The following C8A variants were observed in gnomAD, a reference collection of about 807,000 sequenced individuals.
C8A encodes complement component C8 alpha chain.
A neutral mutation model predicts 65.3 loss-of-function variants in C8A; 67 were observed. The ratio of observed to expected loss-of-function variants is 1.03; its 90% CI spans 0.84 to 1.26. C8A has a LOEUF of 1.26. Ranked by LOEUF, C8A falls within the 50% of genes most tolerant of loss-of-function variation. C8A has a pLI of 0.00. For missense variants in C8A, 781 were observed against 723.9 expected (o/e 1.08, Z -0.90); for synonymous variants, 290 against 259.4 (o/e 1.12, Z -1.13).
chr1:56,916,917 G>C (rs1371563698), intron 10 of C8A, among the ~76,000 whole-genome samples: 1 of 152,184 alleles, frequency 6.6e-6, no homozygotes, highest in Non-Finnish European at 1.5e-5. Context: ...GCCAGAATCT[G>C]AGGGGGTTTG....
rs180797712 is a variant in C8A, at chr1:56,883,578, C to T, written c.752C>T (p.Thr251Ile). ...KKDKSDSFGVTIGIGPAGSPL... is the reference protein window; with the variant it reads ...KKDKSDSFGVIIGIGPAGSPL... ...GACAAGTCTGACTCATTTGGAGTGA[C>T]CATCGGCATAGGCCCAGCCGGCAGC... Residue 251 changes from threonine (T) to isoleucine (I), a missense_variant, in exon 6 of 11, where the codon ACC becomes ATC. Thr to Ile is a moderately conservative substitution (Grantham distance 89, BLOSUM62 -1). Transcript: ENST00000361249. 1.2e-6 allele frequency: 2 copies of T among 1,613,900 alleles called. No homozygotes were observed. Among genetic ancestry groups the T allele is most frequent in the East Asian group, 4.5e-5 (2 of 44,868 alleles).
At chr1:56,900,197 G>T (rs1378840756) in intron 7 of C8A, among the ~76,000 whole-genome samples, 1 of 152,190 alleles carries the variant, frequency 6.6e-6, no homozygotes, top group Admixed American at 6.5e-5. Context: ...TACACACCAT[G>T]CATGATGAAT....
At chr1:56,879,674 T>C (rs1047016226) in intron 4 of C8A, among the ~76,000 whole-genome samples, 2 of 152,336 alleles carry the variant, frequency 1.3e-5, no homozygotes, top group Non-Finnish European at 2.9e-5. Flanking sequence ...TTTCTGCATT[T>C]GCAAAGTTGT....
rs769410758 is a variant in C8A at position 56,917,659 on chromosome 1, A to C, written c.1698A>C (p.Ala566=). 1 of 1,614,192 alleles carries C rather than the reference A, an allele frequency of 6.2e-7. No individual in the cohort carries two copies. ...QERRRECDNP[A]PQNGGASCPG... ...GGAGAAGAGAGTGTGACAATCCAGCACCTCAGAATGGAGGGGCCTCGTGTC... is the reference window on the plus strand; with the variant it reads ...GGAGAAGAGAGTGTGACAATCCAGCCCCTCAGAATGGAGGGGCCTCGTGTC... The change falls in exon 11 of 11, where the codon GCA becomes GCC. Residue 566 remains alanine (A), a synonymous_variant. Transcript: ENST00000361249.
chr1:56,873,086 G>T (rs1644162198), intron 2 of C8A, among the ~76,000 whole-genome samples: 1 of 152,106 alleles, frequency 6.6e-6, no homozygotes, highest in Admixed American at 6.5e-5. Flanking sequence ...CTGAAAGGCA[G>T]GACAGACCTA....
intron 2 of C8A, among the ~76,000 whole-genome samples, chr1:56,874,552 A>G (rs1052136067): frequency 2.0e-5 from 3 of 152,208 alleles, no homozygotes; most frequent in Non-Finnish European, 4.4e-5. Context: ...GAGATGGAGA[A>G]CTACGTGGAT....
chr1:56,913,279 G>A (rs1262165010), intron 10 of C8A, among the ~76,000 whole-genome samples: 2 of 152,146 alleles, frequency 1.3e-5, no homozygotes, highest in African/African-American at 4.8e-5. Flanking sequence ...ATGTTCACAG[G>A]TAACAAGGGT....
rs1448396469 is a variant in C8A, at chr1:56,883,593, C to A, written c.767C>A (p.Pro256Gln). The A allele has an allele frequency of 6.2e-7, 1 of 1,613,802 alleles. No homozygotes were observed. The highest frequency in any genetic ancestry group is 8.5e-7 in the Non-Finnish European group (1 of 1,179,946). The change falls in exon 6 of 11, where the codon CCA becomes CAA. Residue 256 changes from proline (P) to glutamine (Q), a missense_variant. Coordinates refer to ENST00000361249, the MANE Select transcript of C8A (RefSeq NM_000562.3). ...TTTGGAGTGACCATCGGCATAGGCC[C>A]AGCCGGCAGCCCTTTATTGGTGGGT... ...DSFGVTIGIG[P>Q]AGSPLLVGVG...
At chr1:56,872,911 A>G (rs1644160634) in intron 2 of C8A, among the ~76,000 whole-genome samples, 1 of 152,092 alleles carries the variant, frequency 6.6e-6, no homozygotes, top group Non-Finnish European at 1.5e-5. Context: ...AAAAAAAAGA[A>G]AGAAAGAAAA....
intron 7 of C8A, among the ~76,000 whole-genome samples, chr1:56,895,788 A>G (rs1644383369): frequency 6.6e-6 from 1 of 151,976 alleles, no homozygotes; most frequent in Non-Finnish European, 1.5e-5. Flanking sequence ...AAATTAAACA[A>G]ACAAACAAAA....
intron 7 of C8A, among the ~76,000 whole-genome samples, chr1:56,891,141 G>A (rs1460425942): frequency 1.3e-5 from 2 of 152,122 alleles, no homozygotes; most frequent in Admixed American, 6.6e-5. Flanking sequence ...GATGATCTGG[G>A]AATGTCTGTT....
At chr1:56,916,584 G>A (rs534671373) in intron 10 of C8A, among the ~76,000 whole-genome samples, 3 of 152,304 alleles carry the variant, frequency 2.0e-5, no homozygotes, top group Admixed American at 6.5e-5. Context: ...GATCTGAGGA[G>A]CCCTGGGGTC....
At chr1:56,877,667 C>A (rs943943988) in intron 4 of C8A, among the ~76,000 whole-genome samples, 3 of 152,142 alleles carry the variant, frequency 2.0e-5, no homozygotes, top group Non-Finnish European at 4.4e-5. Flanking sequence ...TGTCCTATAG[C>A]CTCTCGCTGA....
chr1:56,880,742 C>A (rs537620799), intron 4 of C8A, among the ~76,000 whole-genome samples: 2 of 152,248 alleles, frequency 1.3e-5, no homozygotes, highest in East Asian at 1.9e-4. Context: ...CAATAGCAAC[C>A]TTTATTCAGT....
rs141078242 is a variant in C8A, at chr1:56,887,514, G to A, written c.1096+1347G>A. Among the ~76,000 whole-genome samples, 4 of 152,250 alleles carry A rather than the reference G, an allele frequency of 2.6e-5. No homozygotes were observed. In the East Asian group the frequency reaches 7.7e-4, roughly 29 times the overall value. The stretch of plus-strand genomic sequence containing the variant: ...ACATAAATGTCTTCTTTTGAGAAAT[G>A]TCTGTTCATATCCTTTGCTCACTTT... On this transcript the variant is annotated intron_variant, in intron 7 of 10. Coordinates refer to ENST00000361249, the MANE Select transcript of C8A (RefSeq NM_000562.3).
rs146626459 is a variant in C8A at position 56,909,966 on chromosome 1, G to A, written c.1380+1853G>A. On this transcript the variant is annotated intron_variant, in intron 9 of 10. Coordinates refer to ENST00000361249, the MANE Select transcript of C8A (RefSeq NM_000562.3). ...ACTCATGTTGCCCCCTGAGAAGTTC[G>A]GACTCAATGCATTAAGCCACGGGCA... Among the ~76,000 whole-genome samples, 6 of 152,264 alleles carry A rather than the reference G, an allele frequency of 3.9e-5. No individual in the cohort carries two copies. In the East Asian group the frequency reaches 5.8e-4, roughly 15 times the overall value.
intron 1 of C8A, among the ~76,000 whole-genome samples, chr1:56,866,195 A>G (rs934340524): frequency 2.0e-5 from 3 of 152,246 alleles, no homozygotes; most frequent in African/African-American, 7.2e-5. Flanking sequence ...ATATATAGCA[A>G]CAGATTGGAT....
At chr1:56,868,735 A>T (rs143814370) in intron 2 of C8A, among the ~76,000 whole-genome samples, 1 of 152,168 alleles carries the variant, frequency 6.6e-6, no homozygotes, top group African/African-American at 2.4e-5. Flanking sequence ...CACTCGGCAT[A>T]CCACTCACTG....
intron 4 of C8A, among the ~76,000 whole-genome samples, chr1:56,878,717 A>G (rs527838868): frequency 8.5e-5 from 13 of 152,170 alleles, no homozygotes; most frequent in African/African-American, 3.1e-4. Flanking sequence ...GTTTTCTTCC[A>G]TCTTCTCTTA....
Sources: allele counts gnomAD v4.1 joint callset (sites outside exome capture counted in the v4.1 genomes callset), GRCh38; gene constraint gnomAD v4.1.1; transcripts MANE v1.5; gene names NCBI Gene and HGNC (gene_info 2026-07-23, HGNC 2026-07-21).